ATXN8OS: variants seen among roughly 807,000 people sequenced by gnomAD.
The protein encoded by ATXN8OS is ATXN8 opposite strand (non-protein coding).
rs1485020400 is a variant in ATXN8OS, at chr13:70,148,077, C to T, written n.573+649C>T. Among the ~76,000 whole-genome samples, 3 of 152,002 alleles carry T rather than the reference C, an allele frequency of 2.0e-5. No homozygotes were observed. The East Asian group carries it at 5.8e-4, about 29-fold the overall frequency. On this transcript the variant is annotated intron_variant and non_coding_transcript_variant, in intron 4 of 4. Transcript: ENST00000678624. ...AAGACTGGAAGAGAGTTGTGGAAGC[C>T]AAGGTTCTTATCATGTGAAGGAAGC...
At chr13:70,163,557 A>G (rs1889036008) in intron 4 of ATXN8OS, among the ~76,000 whole-genome samples, 2 of 152,060 alleles carry the variant, frequency 1.3e-5, no homozygotes, top group African/African-American at 4.8e-5. Flanking sequence ...ATTATTTGAT[A>G]GTAATTTCAA....
At chr13:70,135,529 T>C (rs1345168440) in intron 3 of ATXN8OS, among the ~76,000 whole-genome samples, 2 of 152,156 alleles carry the variant, frequency 1.3e-5, no homozygotes, top group Non-Finnish European at 2.9e-5. Flanking sequence ...CAGATTTCTA[T>C]TTCTCATATC....
At chr13:70,161,974 A>G (rs1889015395) in intron 4 of ATXN8OS, among the ~76,000 whole-genome samples, 1 of 152,006 alleles carries the variant, frequency 6.6e-6, no homozygotes, top group Non-Finnish European at 1.5e-5. Flanking sequence ...TTTTTCTGTA[A>G]AACTAAAATT....
intron 1 of ATXN8OS, chr13:70,108,402 G>A (rs1888130706): frequency 6.2e-6 from 1 of 161,978 alleles, no homozygotes; most frequent in African/African-American, 2.4e-5. Flanking sequence ...GCGCATATAG[G>A]GAGGCAAAAG....
At chr13:70,159,898 G>A (rs573675991) in intron 4 of ATXN8OS, among the ~76,000 whole-genome samples, 1 of 152,286 alleles carries the variant, frequency 6.6e-6, no homozygotes, top group South Asian at 2.1e-4. Context: ...TAAATTGAAT[G>A]TGTATGTACA....
chr13:70,143,177 A>G (rs1888739954), intron 3 of ATXN8OS, among the ~76,000 whole-genome samples: 1 of 152,196 alleles, frequency 6.6e-6, no homozygotes, highest in South Asian at 2.1e-4. Flanking sequence ...TAAAATAATT[A>G]AAACAAGTTT....
chr13:70,124,690 G>GT (rs1375313308), intron 2 of ATXN8OS, among the ~76,000 whole-genome samples: 31 of 151,620 alleles, frequency 2.0e-4, no homozygotes, highest in African/African-American at 6.0e-4. Context: ...TGTTGTTATT[G>GT]TTTTTTTTCC....
At chr13:70,154,858 C>T (rs1220751290) in intron 4 of ATXN8OS, among the ~76,000 whole-genome samples, 3 of 152,184 alleles carry the variant, frequency 2.0e-5, no homozygotes, top group Non-Finnish European at 4.4e-5. Flanking sequence ...GCCTGGGCAC[C>T]ATAGCGAAGG....
intron 2 of ATXN8OS, among the ~76,000 whole-genome samples, chr13:70,128,504 GGT>G (rs1014852262): frequency 6.6e-6 from 1 of 151,646 alleles, no homozygotes; most frequent in Admixed American, 6.6e-5. Context: ...TTACTTTAGA[GGT>G]AGCATTAAGA....
At chr13:70,170,390 A>C (rs867072108) in exon 5 of ATXN8OS, among the ~76,000 whole-genome samples, 3 of 152,240 alleles carry the variant, frequency 2.0e-5, no homozygotes, top group East Asian at 1.9e-4. Flanking sequence ...GGAAGTGTTT[A>C]TATGCAATAC....
chr13:70,107,689 G>C (rs144867124), upstream of ATXN8OS: 1,056 of 1,526,688 alleles, frequency 6.9e-4, no homozygotes, highest in Non-Finnish European at 8.4e-4. Context: ...TTTTCGCCCA[G>C]AGCCTGACAT....
At position 70,139,401 on chromosome 13, in the gene ATXN8OS, G is replaced by GCTT. The variant is rs1217427623; in HGVS notation, n.500-7952_500-7951insTCT. The GCTT allele has an allele frequency of 3.9e-5, 25 of 636,622 alleles. No homozygotes were observed. The African/African-American group carries it at 4.1e-4, about 10-fold the overall frequency. The allele number at this position is 636,622 out of a possible 1,614,324, so 39.4% of individuals were successfully genotyped here. A position where few individuals can be genotyped will look rare whatever the true frequency, so the allele number is the denominator to read the frequency against. ...TACTACTACTGCTGCTGCTGCTGCT[G>GCTT]CTGCTGCTGCTGCTGCTGCTGCTGC... On this transcript the variant is annotated intron_variant and non_coding_transcript_variant, in intron 3 of 4. Transcript: ENST00000678624.
intron 4 of ATXN8OS, among the ~76,000 whole-genome samples, chr13:70,158,728 C>T (rs561728369): frequency 6.6e-6 from 1 of 152,254 alleles, no homozygotes; most frequent in Admixed American, 6.5e-5. Flanking sequence ...TCTGATATAA[C>T]ATTATTTATG....
At chr13:70,129,939 G>A (rs926365516) in intron 3 of ATXN8OS, 2 of 398,124 alleles carry the variant, frequency 5.0e-6, no homozygotes, top group Middle Eastern at 1.3e-3. Flanking sequence ...TGCCATTAGT[G>A]CCTCCTTGAT....
intron 1 of ATXN8OS, among the ~76,000 whole-genome samples, chr13:70,113,184 T>C (rs1175972035): frequency 2.0e-5 from 3 of 152,104 alleles, no homozygotes; most frequent in East Asian, 1.9e-4. Context: ...CCTCCCAAAG[T>C]GCTGGGATTA....
chr13:70,112,346 C>A (rs1888208511), intron 1 of ATXN8OS, among the ~76,000 whole-genome samples: 1 of 151,864 alleles, frequency 6.6e-6, no homozygotes, highest in Non-Finnish European at 1.5e-5. Context: ...TTAGAGAATA[C>A]CATTTAAAAT....
intron 3 of ATXN8OS, among the ~76,000 whole-genome samples, chr13:70,140,533 C>CACACAAA (rs71196274): frequency 1.6e-4 from 21 of 133,038 alleles, no homozygotes; most frequent in Non-Finnish European, 2.4e-4. Flanking sequence ...CACACACACA[C>CACACAAA]AAAAAAAAAA....
At chr13:70,150,529 A>G (rs1888852578) in intron 4 of ATXN8OS, among the ~76,000 whole-genome samples, 2 of 152,052 alleles carry the variant, frequency 1.3e-5, no homozygotes, top group African/African-American at 2.4e-5. Flanking sequence ...CTGAAAAATG[A>G]TGTAGACCCA....
chr13:70,145,137 G>T (rs9572383), intron 3 of ATXN8OS, among the ~76,000 whole-genome samples: 11,075 of 152,056 alleles, frequency 0.073, 528 homozygotes, highest in East Asian at 0.18. Flanking sequence ...TTTTTATCAG[G>T]TTTGTCAAAG....
Sources: allele counts gnomAD v4.1 joint callset (sites outside exome capture counted in the v4.1 genomes callset), GRCh38; gene constraint gnomAD v4.1.1; transcripts MANE v1.5; gene names NCBI Gene and HGNC (gene_info 2026-07-23, HGNC 2026-07-21).